Variants in APCDD1L observed in about 807,000 individuals in gnomAD.
The protein encoded by APCDD1L is protein APCDD1-like.
APCDD1L carries 21 observed loss-of-function variants against 24.2 expected under a neutral mutation model. The ratio of observed to expected loss-of-function variants is 0.87; its 90% confidence interval spans 0.61 to 1.25. The LOEUF is 1.25. APCDD1L is among the 50% of genes most tolerant of loss of function. The pLI is 0.00. For missense variants in APCDD1L, 704 were observed against 711.7 expected (o/e 0.99, Z 0.12); for synonymous variants, 321 against 323.6 (o/e 0.99, Z 0.09).
intron 1 of APCDD1L, among the ~76,000 whole-genome samples, chr20:58,479,828 C>T (rs1165297041): frequency 6.6e-6 from 1 of 152,116 alleles, no homozygotes; most frequent in African/African-American, 2.4e-5. Context: ...GCTGCGTGGC[C>T]ATTAAGCTTC....
Position 58,467,607 on chromosome 20 carries a change from G to A in APCDD1L, c.240C>T (p.Tyr80=), listed in dbSNP as rs536798015. Residue 80 remains tyrosine, a synonymous_variant, in exon 3 of 4, where the codon TAC becomes TAT. Transcript: ENST00000371149. This position sits in a 1 kb window ranked among gnomAD's most constrained non-coding sequence, Gnocchi z 5.9. ...GGTGGGCTCGAAAGAGCCGGCTGGG[G>A]TAGAAGGTGTAGGCGCGGGTCAGGA... ...PEFLTRAYTF[Y]PSRLFRAHQF... 1.4e-5 allele frequency: 21 copies of A among 1,548,978 alleles called. No individual in the cohort carries two copies. The South Asian group carries it at 2.3e-4, about 17-fold the overall frequency.
Position 58,470,629 on chromosome 20 carries a change from A to G in APCDD1L, c.168T>C (p.Asn56=), listed in dbSNP as rs995154561. The G allele has an allele frequency of 1.3e-6, 2 of 1,586,108 alleles. No homozygotes were observed. The highest frequency in any genetic ancestry group is 8.6e-7 in the Non-Finnish European group (1 of 1,166,016). The change falls in exon 2 of 4, where the codon AAT becomes AAC. Residue 56 remains asparagine, a synonymous_variant. Coordinates refer to ENST00000371149, the MANE Select transcript of APCDD1L (RefSeq NM_153360.3). ...CTTACCCTGTGGAGATCCAAGGTCC[A>G]TTAAGGCGTGGAGGCAGGATCGCAG... is the stretch of plus-strand genomic sequence containing the variant. The part of the protein sequence containing the change: ...PSTAILPPRL[N]GPWISTGCEV...
In APCDD1L at chr20:58,508,933, CGTGAGTGTGT is replaced by C. The variant is rs1217239567; in HGVS notation, c.49+5716_49+5725del. Among the ~76,000 whole-genome samples, 5 of 151,312 alleles carry C rather than the reference CGTGAGTGTGT, an allele frequency of 3.3e-5. No individual in the cohort carries two copies. The highest frequency in any genetic ancestry group is 5.9e-5 in the Non-Finnish European group (4 of 67,852). ...ACATGCGTGAGTGTGCATGAGTGTG[CGTGAGTGTGT>C]GTGAGTGTGCATGTGTGTCTGTGTG... On this transcript the variant is annotated intron_variant, in intron 1 of 3. Transcript: ENST00000371149. The surrounding 1 kb of genome is among the most constrained non-coding windows in gnomAD (Gnocchi z 4.0).
intron 1 of APCDD1L, among the ~76,000 whole-genome samples, chr20:58,480,152 G>T (rs1364260365): frequency 1.3e-5 from 2 of 152,134 alleles, no homozygotes; most frequent in East Asian, 3.9e-4. Flanking sequence ...GGGCTGGCAG[G>T]CAAGTTGGGG....
chr20:58,497,432 CCTG>C lies in APCDD1L; in HGVS notation c.49+17224_49+17226del, dbSNP rs1417107306. Reference sequence around the variant, plus strand: ...AAACGAGAGGAATTTACATTCTCATCCTGCTGGAGGCCATGAGTCTGGGCTCAT... The same window carrying C: ...AAACGAGAGGAATTTACATTCTCATCCTGGAGGCCATGAGTCTGGGCTCAT... On this transcript the variant is annotated intron_variant, in intron 1 of 3. Transcript: ENST00000371149. This position sits in a 1 kb window ranked among gnomAD's most constrained non-coding sequence, Gnocchi z 4.3. 6.6e-6 allele frequency among the ~76,000 whole-genome samples: 1 copy of C among 152,110 alleles called. No individual in the cohort carries two copies. The highest frequency in any genetic ancestry group is 1.5e-5 in the Non-Finnish European group (1 of 68,026).
chr20:58,461,456 C>T lies in APCDD1L; in HGVS notation c.840G>A (p.Leu280=). 6.7e-7 allele frequency: 1 copy of T among 1,499,458 alleles called. No individual in the cohort carries two copies. Among genetic ancestry groups the T allele is most frequent in the Non-Finnish European group, 8.9e-7 (1 of 1,121,588 alleles). 92.9% of individuals were successfully genotyped at this position (1,499,458 alleles called of 1,614,324 possible). ...ACCCCGAGCTGACCCACCAGCCGCC[C>T]AGGTGCAGGGGCAGGGCCAGAGGGG... The part of the protein sequence containing the change: ...LPPPLALPLH[L]GGWWVSSGCE... The change falls in exon 4 of 4, where the codon CTG becomes CTA. Residue 280 remains leucine, a synonymous_variant. Transcript: ENST00000371149. The surrounding 1 kb of genome is among the most constrained non-coding windows in gnomAD (Gnocchi z 6.0).
At chr20:58,481,019 A>T (rs1253396265) in intron 1 of APCDD1L, among the ~76,000 whole-genome samples, 1 of 152,218 alleles carries the variant, frequency 6.6e-6, no homozygotes, top group Non-Finnish European at 1.5e-5. Context: ...GTCTGTAGAC[A>T]TTATTTATAC....
chr20:58,512,279 G>A (rs939748846), intron 1 of APCDD1L, among the ~76,000 whole-genome samples: 3 of 152,178 alleles, frequency 2.0e-5, no homozygotes, highest in Admixed American at 1.3e-4. Flanking sequence ...AACAAAATCC[G>A]TCTAACCCAG....
chr20:58,466,356 A>T (rs868717784), intron 3 of APCDD1L, among the ~76,000 whole-genome samples: 9 of 152,134 alleles, frequency 5.9e-5, no homozygotes, highest in East Asian at 3.9e-4. Flanking sequence ...CCAGACCTGA[A>T]GGATCCCTTT....
intron 1 of APCDD1L, among the ~76,000 whole-genome samples, chr20:58,474,904 G>C (rs147611562): frequency 6.6e-6 from 1 of 151,910 alleles, no homozygotes; most frequent in Non-Finnish European, 1.5e-5. Context: ...CTTAGATCTC[G>C]GCAACAATGA....
rs1990080704 is a variant in APCDD1L at position 58,484,356 on chromosome 20, G to A, written c.50-13609C>T. ...CCTCCAGCTTCTAGAGTCTGGGGAT[G>A]CCAAAAGGCACAGCACAGGGACTCT... is the stretch of plus-strand genomic sequence containing the variant. On this transcript the variant is annotated intron_variant, in intron 1 of 3. Transcript: ENST00000371149. Among the ~76,000 whole-genome samples, 5 of 152,340 alleles carry A rather than the reference G, an allele frequency of 3.3e-5. 1 individual carries two copies. The South Asian group carries it at 1.0e-3, about 32-fold the overall frequency.
chr20:58,511,701 T>G lies in APCDD1L; in HGVS notation c.49+2958A>C, dbSNP rs143403519. 2.0e-5 allele frequency among the ~76,000 whole-genome samples: 3 copies of G among 152,312 alleles called. No homozygotes were observed. The East Asian group carries it at 5.8e-4, about 29-fold the overall frequency. ...TTTAAGTAACTAATACGATTACGGGTCTCTATTCACATTAGATTTTTGGAT... is the reference window on the plus strand; with the variant it reads ...TTTAAGTAACTAATACGATTACGGGGCTCTATTCACATTAGATTTTTGGAT... On this transcript the variant is annotated intron_variant, in intron 1 of 3. Transcript: ENST00000371149.
chr20:58,467,549 G>A lies in APCDD1L; in HGVS notation c.298C>T (p.Pro100Ser). ...FYYEDPFCGE[P>S]AHSLLVKGKV... ...CCCTTGACGAGCAGCGAGTGGGCAG[G>A]TTCCCCGCAGAAGGGGTCCTCGTAG... The change falls in exon 3 of 4, where the codon CCT (proline) becomes TCT (serine). Residue 100 changes from proline to serine, a missense_variant. Physicochemically the swap from Pro to Ser is moderately conservative, Grantham distance 74. Coordinates refer to ENST00000371149, the MANE Select transcript of APCDD1L (RefSeq NM_153360.3). This position sits in a 1 kb window ranked among gnomAD's most constrained non-coding sequence, Gnocchi z 5.9. 1 of 1,586,670 alleles carries A rather than the reference G, an allele frequency of 6.3e-7. No individual in the cohort carries two copies. Among genetic ancestry groups the A allele is most frequent in the Non-Finnish European group, 8.6e-7 (1 of 1,166,562 alleles).
rs960916050 is a variant in APCDD1L, at chr20:58,467,747, C to G, written c.189-89G>C. Reference sequence around the variant, plus strand: ...CTCTGGGCTGGGCTCCTTTCTCCCCCCCAGCCCTCCTCTTAGTCCTCAGCT... The same window carrying G: ...CTCTGGGCTGGGCTCCTTTCTCCCCGCCAGCCCTCCTCTTAGTCCTCAGCT... On this transcript the variant is annotated intron_variant, in intron 2 of 3. Coordinates refer to ENST00000371149, the MANE Select transcript of APCDD1L (RefSeq NM_153360.3). The surrounding 1 kb of genome is among the most constrained non-coding windows in gnomAD (Gnocchi z 5.9). 3.1e-5 allele frequency: 40 copies of G among 1,287,820 alleles called. No homozygotes were observed. The highest frequency in any genetic ancestry group is 3.7e-5 in the Non-Finnish European group (37 of 989,896). The allele number at this position is 1,287,820 out of a possible 1,614,324, so 79.8% of individuals were successfully genotyped here. A position where few individuals can be genotyped will look rare whatever the true frequency, so the allele number is the denominator to read the frequency against.
rs1259431005 is a variant in APCDD1L, at chr20:58,486,866, T to G, written c.50-16119A>C. Among the ~76,000 whole-genome samples the G allele has an allele frequency of 9.1e-5, 12 of 132,262 alleles. No homozygotes were observed. In the Admixed American group the frequency reaches 9.3e-4, roughly 10 times the overall value. The allele number at this position is 132,262 out of a possible 152,430, so 86.8% of individuals were successfully genotyped here. ...TACTGGAGGGAAGGTTTTTTTTTTT[T>G]TTTTTTTTTTTTTGAGATGAAGTCT... On this transcript the variant is annotated intron_variant, in intron 1 of 3. Transcript: ENST00000371149.
At chr20:58,507,837 C>T (rs73918404) in intron 1 of APCDD1L, among the ~76,000 whole-genome samples, 4,018 of 152,312 alleles carry the variant, frequency 0.026, 101 homozygotes, top group African/African-American at 0.067. Flanking sequence ...ACAGCACAAA[C>T]ATGTGACCAG....
intron 2 of APCDD1L, among the ~76,000 whole-genome samples, chr20:58,468,525 C>T (rs1008605050): frequency 1.3e-5 from 2 of 152,086 alleles, no homozygotes; most frequent in African/African-American, 4.8e-5. Flanking sequence ...CAGGCACCCT[C>T]CTCACGATTT....
chr20:58,505,412 C>T (rs903131913), intron 1 of APCDD1L, among the ~76,000 whole-genome samples: 1 of 152,076 alleles, frequency 6.6e-6, no homozygotes, highest in Admixed American at 6.5e-5. Flanking sequence ...CCTCCCATGT[C>T]AGTCCATTTT....
Position 58,460,799 on chromosome 20 carries a change from G to A in APCDD1L, c.1497C>T (p.His499=). 1 of 1,522,974 alleles carries A rather than the reference G, an allele frequency of 6.6e-7. No individual in the cohort carries two copies. Among genetic ancestry groups the A allele is most frequent in the Non-Finnish European group, 8.8e-7 (1 of 1,135,578 alleles). The allele number at this position is 1,522,974 out of a possible 1,614,324, so 94.3% of individuals were successfully genotyped here. A position where few individuals can be genotyped will look rare whatever the true frequency, so the allele number is the denominator to read the frequency against. Reference sequence around the variant, plus strand: ...GATGTCAAGTCCAATGTCATAGCCAGTGGAGGAAGGCCAGCCCTAGAACTA... The same window carrying A: ...GATGTCAAGTCCAATGTCATAGCCAATGGAGGAAGGCCAGCCCTAGAACTA... ...LPLVLGLAFL[H]WL The change falls in exon 4 of 4, where the codon CAC becomes CAT. Residue 499 remains histidine (H), a synonymous_variant. Transcript: ENST00000371149. The surrounding 1 kb of genome is among the most constrained non-coding windows in gnomAD (Gnocchi z 4.2).
Sources: allele counts gnomAD v4.1 joint callset (sites outside exome capture counted in the v4.1 genomes callset), GRCh38; gene constraint gnomAD v4.1.1; non-coding constraint Gnocchi (gnomAD v3.1); transcripts MANE v1.5; gene names NCBI Gene and HGNC (gene_info 2026-07-23, HGNC 2026-07-21).